Variants in PLAUR observed in about 807,000 individuals in gnomAD.
PLAUR encodes the protein plasminogen activator, urokinase receptor.
In PLAUR, 22 loss-of-function variants were observed where a neutral mutation model predicts 33.4. The observed-to-expected ratio is 0.66, with a 90% CI of 0.47 to 0.94. The LOEUF (loss-of-function observed/expected upper bound fraction) is 0.94, where lower values mean the gene tolerates loss of function less well. Ranked by LOEUF, PLAUR falls within the 40% of genes least tolerant of loss-of-function variation. The pLI is 0.00. For missense variants in PLAUR, 408 were observed against 434.7 expected (o/e 0.94, Z 0.55); for synonymous variants, 148 against 167.3 (o/e 0.88, Z 0.89).
At chr19:43,668,619 G>T (rs576555488) in intron 1 of PLAUR, among the ~76,000 whole-genome samples, 322 of 111,350 alleles carry the variant, frequency 2.9e-3, no homozygotes, top group African/African-American at 0.011. Context: ...TTGGCCCCTT[G>T]AGGTCCTAGC....
Position 43,665,328 on chromosome 19 carries a change from G to A in PLAUR, c.298C>T (p.Gln100Ter). The A allele has an allele frequency of 6.2e-7, 1 of 1,613,984 alleles. No individual in the cohort carries two copies. The highest frequency in any genetic ancestry group is 8.5e-7 in the Non-Finnish European group (1 of 1,179,994). ...EVVCGLDLCN[Q>*]GNSGRAVTYS... Reference sequence around the variant, plus strand: ...CTGCCCTACTCACCAGAGTTGCCCTGGTTGCACAAGTCTAACCCACACACA... The same window carrying A: ...CTGCCCTACTCACCAGAGTTGCCCTAGTTGCACAAGTCTAACCCACACACA... The change falls in exon 3 of 7, where the codon CAG becomes TAG. Residue 100 changes from glutamine (Q) to a stop codon, truncating the protein, a stop_gained. Transcript: ENST00000340093. LOFTEE classifies it high-confidence loss of function.
chr19:43,660,316 C>T lies in PLAUR; in HGVS notation c.311-3676G>A, dbSNP rs192709968. Among the ~76,000 whole-genome samples the T allele has an allele frequency of 5.6e-3, 805 of 144,676 alleles. 31 individuals carry two copies. Among genetic ancestry groups the T allele is most frequent in the Admixed American group, 0.052 (766 of 14,718 alleles). 94.9% of individuals were successfully genotyped at this position (144,676 alleles called of 152,430 possible). A position where few individuals can be genotyped will look rare whatever the true frequency, so the allele number is the denominator to read the frequency against. On this transcript the variant is annotated intron_variant, in intron 3 of 6. Transcript: ENST00000340093. ...AAGTAGCTGGTATTACAGGTGTGTG[C>T]CACCATACCCGGCTAATTTTTTTTT...
chr19:43,654,982 G>A (rs1974142610), intron 5 of PLAUR, among the ~76,000 whole-genome samples: 1 of 151,826 alleles, frequency 6.6e-6, no homozygotes, highest in Non-Finnish European at 1.5e-5. Context: ...GTTCTTCTTT[G>A]AAGAAAGGCC....
At chr19:43,648,503 GAGCCTGTGAAAA>G, downstream of PLAUR, 1 of 900,078 alleles carries the variant, frequency 1.1e-6, no homozygotes, top group Non-Finnish European at 1.3e-6. Flanking sequence ...CTGATTCCAG[GAGCCTGTGAAAA>G]GGTGTCCCCC....
intron 5 of PLAUR, 124 bp downstream of exon 5, chr19:43,655,314 AT>A: frequency 1.4e-6 from 1 of 733,102 alleles, no homozygotes; most frequent in Non-Finnish European, 2.1e-6. Flanking sequence ...TGATACTCCC[AT>A]TTTTCAGAAA....
In PLAUR at chr19:43,667,704, G is replaced by GGGAGA; in HGVS notation, c.56-18_56-14dup. 6.2e-7 allele frequency: 1 copy of GGGAGA among 1,613,044 alleles called. No homozygotes were observed. The highest frequency in any genetic ancestry group is 8.5e-7 in the Non-Finnish European group (1 of 1,179,546). On this transcript the variant is annotated splice_polypyrimidine_tract_variant and intron_variant, in intron 1 of 6. Coordinates refer to ENST00000340093, the MANE Select transcript of PLAUR (RefSeq NM_002659.4). Reference sequence around the variant, plus strand: ...AGGCCCCAAGAGGCTGGGGGAAGGAGGGAGAGGAGAGGAGAGGTTAACTAC... The same window carrying GGGAGA: ...AGGCCCCAAGAGGCTGGGGGAAGGAGGGAGAGGAGAGGAGAGGAGAGGTTAACTAC...
At chr19:43,669,496 C>T (rs993888925) in intron 1 of PLAUR, among the ~76,000 whole-genome samples, 2 of 152,100 alleles carry the variant, frequency 1.3e-5, no homozygotes, top group African/African-American at 2.4e-5. Context: ...AAGGAAGAGG[C>T]TTCGAAGAAC....
chr19:43,646,399 T>C, downstream of PLAUR: 3 of 712,478 alleles, frequency 4.2e-6, no homozygotes, highest in South Asian at 4.5e-5. Context: ...TTCACCCACT[T>C]GTCTGGTGCC....
chr19:43,655,185 G>C (rs904062913), intron 5 of PLAUR, among the ~76,000 whole-genome samples: 1 of 146,210 alleles, frequency 6.8e-6, no homozygotes, highest in Non-Finnish European at 1.5e-5. Context: ...GCTGAAGCAG[G>C]AGAATCGCTT....
At chr19:43,663,625 T>C (rs1568562636) in intron 3 of PLAUR, among the ~76,000 whole-genome samples, 1 of 151,588 alleles carries the variant, frequency 6.6e-6, no homozygotes, top group Non-Finnish European at 1.5e-5. Context: ...CTACTAAAAA[T>C]ACAAAATTAG....
chr19:43,647,102 A>G (rs141716909), downstream of PLAUR, among the ~76,000 whole-genome samples: 322 of 152,246 alleles, frequency 2.1e-3, 1 homozygote, highest in East Asian at 0.036. Flanking sequence ...TTTTTTCTTC[A>G]TTAGCCACAA....
intron 3 of PLAUR, 117 bp from the exon 4 acceptor site, chr19:43,656,757 A>G: frequency 1.3e-6 from 1 of 797,074 alleles, no homozygotes; most frequent in Non-Finnish European, 1.9e-6. Flanking sequence ...CCAGTCATTG[A>G]GCCCTGCCTA....
intron 5 of PLAUR, 91 bp downstream of exon 5, chr19:43,655,348 A>C: frequency 1.7e-6 from 2 of 1,196,620 alleles, no homozygotes; most frequent in Non-Finnish European, 1.2e-6. Flanking sequence ...CCCAGAGAGG[A>C]CTTGATTGCC....
intron 5 of PLAUR, among the ~76,000 whole-genome samples, chr19:43,655,196 G>A (rs61233313): frequency 7.1e-6 from 1 of 140,178 alleles, no homozygotes; most frequent in African/African-American, 2.7e-5. Flanking sequence ...AGAATCGCTT[G>A]AACTCGTGAG....
At chr19:43,651,838 G>A (rs1192905481) in intron 6 of PLAUR, 13 of 1,018,396 alleles carry the variant, frequency 1.3e-5, no homozygotes, top group Non-Finnish European at 1.5e-5. Context: ...AGCCCAAGAT[G>A]TCTTCAGCAA....
intron 6 of PLAUR, among the ~76,000 whole-genome samples, chr19:43,649,403 A>G: frequency 6.6e-6 from 1 of 152,028 alleles, no homozygotes; most frequent in Non-Finnish European, 1.5e-5. Context: ...AACATAAAAA[A>G]GAAAAAAACA....
chr19:43,648,912 C>T lies in PLAUR; in HGVS notation c.986G>A (p.Gly329Glu). Residue 329 changes from glycine (G) to glutamate (E), a missense_variant, in exon 7 of 7, where the codon GGA (glycine) becomes GAA (glutamate). Gly to Glu is a moderately conservative substitution (Grantham distance 98). Transcript: ENST00000340093. ...GGTTTAGGTCCAGAGGAGAGTGCCT[C>T]CCCACAGTCTGGCAGTCATTAGCAG... The part of the protein sequence containing the change: ...ITLLMTARLW[G>E]GTLLWT 1.2e-6 allele frequency: 2 copies of T among 1,613,870 alleles called. No homozygotes were observed. The highest frequency in any genetic ancestry group is 1.7e-6 in the Non-Finnish European group (2 of 1,179,852).
intron 1 of PLAUR, among the ~76,000 whole-genome samples, chr19:43,669,553 TGTA>T (rs990895296): frequency 5.7e-4 from 87 of 152,178 alleles, no homozygotes; most frequent in African/African-American, 2.1e-3. Flanking sequence ...GGCTCACGCC[TGTA>T]ATCCCAGCAG....
chr19:43,661,882 G>A (rs554142681), intron 3 of PLAUR, among the ~76,000 whole-genome samples: 2 of 151,812 alleles, frequency 1.3e-5, no homozygotes, highest in East Asian at 2.0e-4. Context: ...GCTCTTGTTC[G>A]GCTTTGGTTG....
Sources: gnomAD v4.1 joint callset for allele counts (sites outside exome capture counted in the v4.1 genomes callset) on GRCh38, gnomAD v4.1.1 for gene constraint, MANE v1.5 for transcripts, NCBI Gene and HGNC (gene_info 2026-07-23, HGNC 2026-07-21) for gene names.